Variants in CP observed in about 807,000 individuals in gnomAD.
CP encodes caeruloplasmin.
In CP, 64 loss-of-function variants were observed where a neutral mutation model predicts 122.4. The ratio of observed to expected loss-of-function variants is 0.52; its 90% CI spans 0.43 to 0.64. The LOEUF is 0.64. Among genes scored for constraint, CP ranks in the 30% least tolerant of loss-of-function variants. The pLI, the probability that CP is intolerant of heterozygous loss-of-function variation, is 0.00. For synonymous variants in CP, 440 were observed against 436.4 expected, an observed-to-expected ratio of 1.01 and a Z score of -0.10; for missense variants, 1,167 against 1,284.4, an observed-to-expected ratio of 0.91 and a Z score of 1.40.
chr3:149,192,212 G>A (rs991083853), intron 9 of CP, among the ~76,000 whole-genome samples: 6 of 151,860 alleles, frequency 4.0e-5, no homozygotes, highest in Non-Finnish European at 7.4e-5. Flanking sequence ...TAGGTCACAC[G>A]GTAAACTAGG....
Position 149,207,359 on chromosome 3 carries a change from C to T in CP, c.1036+4G>A. The T allele has an allele frequency of 6.2e-7, 1 of 1,613,792 alleles. No homozygotes were observed. The highest frequency in any genetic ancestry group is 8.5e-7 in the Non-Finnish European group (1 of 1,179,722). Reference sequence around the variant, plus strand: ...ACTGCTAATTTCAGGTAAAGATGTCCTACCTTTCAGATGGTTTAGATTCTG... The same window carrying T: ...ACTGCTAATTTCAGGTAAAGATGTCTTACCTTTCAGATGGTTTAGATTCTG... On this transcript the variant is annotated splice_donor_region_variant and intron_variant, in intron 5 of 18. Transcript: ENST00000264613.
chr3:149,187,692 C>T (rs1369033557), intron 10 of CP, among the ~76,000 whole-genome samples: 1 of 152,214 alleles, frequency 6.6e-6, no homozygotes, highest in African/African-American at 2.4e-5. Flanking sequence ...TCATCAGAAT[C>T]ATCTGCAGAG....
chr3:149,184,020 ACTT>A (rs2108231572), intron 12 of CP, among the ~76,000 whole-genome samples: 1 of 86,630 alleles, frequency 1.2e-5, no homozygotes, highest in South Asian at 4.1e-4. Context: ...TTCCCTTTTC[ACTT>A]ACTTCTTTTT....
At position 149,178,459 on chromosome 3, in the gene CP, A is replaced by G. The variant is rs950746895; in HGVS notation, c.2834T>C (p.Val945Ala). Residue 945 changes from valine (V) to alanine (A), a missense_variant, in exon 16 of 19, where the codon GTA (valine) becomes GCA (alanine). Transcript: ENST00000264613. The stretch of plus-strand genomic sequence containing the variant: ...TATGAATTCCTCATCATCTTTGTTT[A>G]CTTTCTCGGGGTGATCAGAGTATGT... ...IKTYSDHPEKVNKDDEEFIES... is the reference protein window; with the variant it reads ...IKTYSDHPEKANKDDEEFIES... 1 of 1,612,860 alleles carries G rather than the reference A, an allele frequency of 6.2e-7. No homozygotes were observed. The highest frequency in any genetic ancestry group is 8.5e-7 in the Non-Finnish European group (1 of 1,179,136).
In CP at chr3:149,188,055, G is replaced by A; in HGVS notation, c.1861C>T (p.His621Tyr). ...DEDFQESNKMHSMNGFMYGNQ... is the reference protein window; with the variant it reads ...DEDFQESNKMYSMNGFMYGNQ... ...TGGTGGATGATGCAGTACTTACAGTGCATTTTATTAGATTCCTGAAAGTCT... is the reference window on the plus strand; with the variant it reads ...TGGTGGATGATGCAGTACTTACAGTACATTTTATTAGATTCCTGAAAGTCT... Residue 621 changes from histidine (H) to tyrosine (Y), a missense_variant, in exon 10 of 19, where the codon CAC (histidine) becomes TAC (tyrosine). Around this residue, in one of 2 missense-constraint regions of CP, gnomAD observed 525 missense variants for 657.2 expected, o/e 0.80. Coordinates refer to ENST00000264613, the MANE Select transcript of CP (RefSeq NM_000096.4). 1.9e-6 allele frequency: 3 copies of A among 1,611,576 alleles called. No individual in the cohort carries two copies. Among genetic ancestry groups the A allele is most frequent in the African/African-American group, 1.3e-5 (1 of 74,930 alleles).
At chr3:149,200,486 C>T (rs1576763096) in intron 7 of CP, among the ~76,000 whole-genome samples, 1 of 151,942 alleles carries the variant, frequency 6.6e-6, no homozygotes, top group Admixed American at 6.6e-5. Flanking sequence ...CAGGGACAGA[C>T]AGTGAGTATT....
At chr3:149,202,596 GTTGT>G (rs1175564402) in intron 6 of CP, among the ~76,000 whole-genome samples, 3 of 139,834 alleles carry the variant, frequency 2.1e-5, no homozygotes, top group South Asian at 2.3e-4. Context: ...TGTTGTTGTT[GTTGT>G]TTGTCTTTTT....
chr3:149,210,711 C>T lies in CP; in HGVS notation c.395-332G>A, dbSNP rs576820588. Among the ~76,000 whole-genome samples, 23 of 152,274 alleles carry T rather than the reference C, an allele frequency of 1.5e-4. No individual in the cohort carries two copies. The East Asian group carries it at 4.4e-3, about 29-fold the overall frequency. On this transcript the variant is annotated intron_variant, in intron 2 of 18. Transcript: ENST00000264613. ...CTAAATTCAAAACTTCTTATATGAT[C>T]TCAGATTTTTGCCCACGAAGTAACC...
intron 18 of CP, among the ~76,000 whole-genome samples, chr3:149,174,344 G>A (rs770802261): frequency 6.6e-6 from 1 of 152,090 alleles, no homozygotes; most frequent in African/African-American, 2.4e-5. Context: ...TTCGATCATT[G>A]TATTGTGGTC....
chr3:149,209,429 G>A (rs758803460), intron 3 of CP, 45 bp from the exon 4 acceptor site: 8 of 1,560,280 alleles, frequency 5.1e-6, no homozygotes, highest in Non-Finnish European at 4.4e-6. Context: ...CTTTTAGCAT[G>A]TATTTTGATT....
chr3:149,206,077 A>G (rs1727690382), intron 6 of CP, 91 bp downstream of exon 6: 1 of 1,219,106 alleles, frequency 8.2e-7, no homozygotes, highest in African/African-American at 1.5e-5. Flanking sequence ...TCAGATACCA[A>G]TTAAAATTTT....
intron 14 of CP, among the ~76,000 whole-genome samples, chr3:149,180,312 A>T (rs1280651362): frequency 2.6e-5 from 4 of 152,104 alleles, no homozygotes; most frequent in African/African-American, 9.7e-5. Context: ...ACATAACCAC[A>T]CCCTCGGCCT....
At position 149,172,727 on chromosome 3, in the gene CP, T is replaced by C. The variant is rs946080556; in HGVS notation, c.*987A>G. ...TTGCCATGGTAAAAGATTTCAAACC[T>C]CATTTTTTTTGTTCCTTTTCTTGTT... On this transcript the variant is annotated 3_prime_UTR_variant, in exon 19 of 19. Transcript: ENST00000264613. The C allele has an allele frequency of 1.3e-5, 2 of 153,070 alleles. No homozygotes were observed. The highest frequency in any genetic ancestry group is 2.9e-5 in the Non-Finnish European group (2 of 68,360). 9.5% of individuals were successfully genotyped at this position (153,070 alleles called of 1,614,324 possible). A position where few individuals can be genotyped will look rare whatever the true frequency, so the allele number is the denominator to read the frequency against.
At position 149,221,759 on chromosome 3, in the gene CP, A is replaced by G; in HGVS notation, c.34T>C (p.Leu12=). 6.2e-7 allele frequency: 1 copy of G among 1,613,832 alleles called. No homozygotes were observed. The highest frequency in any genetic ancestry group is 8.5e-7 in the Non-Finnish European group (1 of 1,179,804). The change falls in exon 1 of 19, where the codon TTA becomes CTA. Residue 12 remains leucine (L), a synonymous_variant. Transcript: ENST00000264613. The part of the protein sequence containing the change: ...KILILGIFLF[L]CSTPAWAKEK... ...TTCGCCCAGGCTGGGGTACTACATA[A>G]AAACAGAAAAATACCAAGTATCAAA...
At chr3:149,204,523 T>A (rs1032099096) in intron 6 of CP, among the ~76,000 whole-genome samples, 28 of 152,252 alleles carry the variant, frequency 1.8e-4, no homozygotes, top group Non-Finnish European at 3.7e-4. Flanking sequence ...TCCTCCTGAG[T>A]TGGAGACGCA....
At chr3:149,217,829 G>T in intron 1 of CP, 1 of 404,692 alleles carries the variant, frequency 2.5e-6, no homozygotes. Flanking sequence ...ATTATATCCT[G>T]ATCACTCAAG....
At chr3:149,190,424 G>A (rs754881888) in intron 9 of CP, among the ~76,000 whole-genome samples, 12 of 152,080 alleles carry the variant, frequency 7.9e-5, no homozygotes, top group South Asian at 2.1e-4. Context: ...TTGGGAGACC[G>A]AGGCAGGCAG....
intron 17 of CP, 54 bp from the exon 18 acceptor site, chr3:149,176,466 A>G (rs1269361237): frequency 5.1e-6 from 7 of 1,371,582 alleles, no homozygotes; most frequent in Non-Finnish European, 7.3e-6. Flanking sequence ...GAGTTCACTC[A>G]TGTCATTTGT....
chr3:149,220,350 T>C (rs1328698577), intron 1 of CP, among the ~76,000 whole-genome samples: 2 of 152,102 alleles, frequency 1.3e-5, no homozygotes, highest in African/African-American at 4.8e-5. Context: ...TGTCTGACTT[T>C]TTCCTTGGAA....
Sources: allele counts gnomAD v4.1 joint callset (sites outside exome capture counted in the v4.1 genomes callset), GRCh38; gene constraint gnomAD v4.1.1; regional missense constraint gnomAD v4.1.1; transcripts MANE v1.5; gene names NCBI Gene and HGNC (gene_info 2026-07-23, HGNC 2026-07-21).